OSBPL3: variants seen among roughly 807,000 people sequenced by gnomAD.
The protein encoded by OSBPL3 is oxysterol binding protein like 3, also known as oxysterol-binding protein-related protein 3.
A neutral mutation model predicts 120.1 loss-of-function variants in OSBPL3; 65 were observed. The observed-to-expected ratio is 0.54, with a 90% confidence interval of 0.44 to 0.67. OSBPL3 has a LOEUF of 0.67. Ranked by LOEUF, OSBPL3 falls within the 30% of genes least tolerant of loss-of-function variation. The pLI is 0.00. For missense variants in OSBPL3, 1,004 were observed against 1,082.1 expected (o/e 0.93, Z 1.01); for synonymous variants, 416 against 402.6 (o/e 1.03, Z -0.40).
rs1808958222 is a variant in OSBPL3, at chr7:24,912,433, C to T, written c.-149-19812G>A. Among the ~76,000 whole-genome samples, 1 of 152,188 alleles carries T rather than the reference C, an allele frequency of 6.6e-6. No individual in the cohort carries two copies. ...ATTCCCCTATGTTGCAGATTCACTG[C>T]AGACATCCATTGATTTAGGGAGTTT... On this transcript the variant is annotated intron_variant, in intron 1 of 22. Transcript: ENST00000313367. The surrounding 1 kb of genome is among the most constrained non-coding windows in gnomAD (Gnocchi z 4.5).
Position 24,877,864 on chromosome 7 carries a change from C to A in OSBPL3, c.97-5795G>T, listed in dbSNP as rs1022792359. The stretch of plus-strand genomic sequence containing the variant: ...GGCCCTTGGGGAAATCAAGGCCCTG[C>A]TGACTTAGCCCAACACGGCTGCACT... On this transcript the variant is annotated intron_variant, in intron 2 of 22. Coordinates refer to ENST00000313367, the MANE Select transcript of OSBPL3 (RefSeq NM_015550.4). The surrounding 1 kb of genome is among the most constrained non-coding windows in gnomAD (Gnocchi z 4.8). Among the ~76,000 whole-genome samples the A allele has an allele frequency of 5.3e-5, 8 of 152,248 alleles. No homozygotes were observed. Among genetic ancestry groups the A allele is most frequent in the Admixed American group, 3.9e-4 (6 of 15,300 alleles).
intron 1 of OSBPL3, among the ~76,000 whole-genome samples, chr7:24,926,338 T>C (rs1811044257): frequency 6.6e-6 from 1 of 152,174 alleles, no homozygotes; most frequent in Admixed American, 6.5e-5. Context: ...CCATGGACAA[T>C]GTAAAGAAAA....
chr7:24,805,038 G>A lies in OSBPL3; in HGVS notation c.2445-601C>T, dbSNP rs566765718. Among the ~76,000 whole-genome samples the A allele has an allele frequency of 3.9e-5, 6 of 152,242 alleles. No individual in the cohort carries two copies. In the South Asian group the frequency reaches 8.3e-4, roughly 21 times the overall value. On this transcript the variant is annotated intron_variant, in intron 21 of 22. Coordinates refer to ENST00000313367, the MANE Select transcript of OSBPL3 (RefSeq NM_015550.4). The surrounding 1 kb of genome is among the most constrained non-coding windows in gnomAD (Gnocchi z 4.0). ...TGAATCATTTTAATGTGACAATGCC[G>A]CAATAAATGACCTTGTATATCCATC...
intron 1 of OSBPL3, among the ~76,000 whole-genome samples, chr7:24,970,449 T>C (rs1481954259): frequency 6.6e-6 from 1 of 152,162 alleles, no homozygotes; most frequent in African/African-American, 2.4e-5. Context: ...CCCTTCAAGA[T>C]GTGTCTCAAA....
chr7:24,897,649 G>A (rs927095592), intron 1 of OSBPL3, among the ~76,000 whole-genome samples: 5 of 152,328 alleles, frequency 3.3e-5, no homozygotes, highest in African/African-American at 1.2e-4. Flanking sequence ...TAAAACATGT[G>A]TGTCCTTCAA....
In OSBPL3 at chr7:24,834,783, A is replaced by C; in HGVS notation, c.1496-47T>G. On this transcript the variant is annotated intron_variant, in intron 14 of 22. Coordinates refer to ENST00000313367, the MANE Select transcript of OSBPL3 (RefSeq NM_015550.4). This position sits in a 1 kb window ranked among gnomAD's most constrained non-coding sequence, Gnocchi z 5.2. ...TTGTCTCTATAAAGCTTTTCATTTT[A>C]TTCTATTATTTTTAATCCACGAATA... The C allele has an allele frequency of 6.8e-7, 1 of 1,476,660 alleles. No homozygotes were observed. Among genetic ancestry groups the C allele is most frequent in the Non-Finnish European group, 9.0e-7 (1 of 1,105,778 alleles). 91.5% of individuals were successfully genotyped at this position (1,476,660 alleles called of 1,614,324 possible). A position where few individuals can be genotyped will look rare whatever the true frequency, so the allele number is the denominator to read the frequency against.
chr7:24,800,426 A>G, intron 22 of OSBPL3, 147 bp from the exon 23 acceptor site: 1 of 498,958 alleles, frequency 2.0e-6, no homozygotes, highest in Non-Finnish European at 3.6e-6. Context: ...AATTCTGGGA[A>G]TTAGATGTCC....
At chr7:24,850,530 C>G (rs17150299) in intron 11 of OSBPL3, among the ~76,000 whole-genome samples, 6,095 of 152,318 alleles carry the variant, frequency 0.04, 239 homozygotes, top group East Asian at 0.13. Context: ...GCCTAATCCT[C>G]TACCTGGATC....
intron 1 of OSBPL3, among the ~76,000 whole-genome samples, chr7:24,974,251 G>C (rs1333017029): frequency 6.6e-6 from 1 of 152,126 alleles, no homozygotes; most frequent in Non-Finnish European, 1.5e-5. Context: ...TGTTTCCTCT[G>C]TACTCCCTCC....
chr7:24,885,329 C>A (rs1005335655), intron 2 of OSBPL3, among the ~76,000 whole-genome samples: 1 of 152,088 alleles, frequency 6.6e-6, no homozygotes, highest in Admixed American at 6.5e-5. Flanking sequence ...TTCACTTTTC[C>A]CTCCTTGGCA....
At chr7:24,865,565 A>G (rs1293706414) in intron 6 of OSBPL3, 100 bp from the exon 7 acceptor site, 1 of 1,124,828 alleles carries the variant, frequency 8.9e-7, no homozygotes, top group African/African-American at 1.5e-5. Flanking sequence ...ACTAATGGAC[A>G]CCATCTGCCT....
In OSBPL3 at chr7:24,899,354, G is replaced by C. The variant is rs893118852; in HGVS notation, c.-149-6733C>G. On this transcript the variant is annotated intron_variant, in intron 1 of 22. Coordinates refer to ENST00000313367, the MANE Select transcript of OSBPL3 (RefSeq NM_015550.4). The surrounding 1 kb of genome is among the most constrained non-coding windows in gnomAD (Gnocchi z 4.0). ...AACTTGCATCTCTTTCCAGTTCTCA[G>C]TGTTCTTACTGGGACTGTCAGGTCA... 6.6e-6 allele frequency among the ~76,000 whole-genome samples: 1 copy of C among 152,166 alleles called. No homozygotes were observed. The highest frequency in any genetic ancestry group is 1.5e-5 in the Non-Finnish European group (1 of 68,040).
chr7:24,980,811 A>C (rs867615638), upstream of OSBPL3, among the ~76,000 whole-genome samples: 1 of 151,930 alleles, frequency 6.6e-6, no homozygotes, highest in Non-Finnish European at 1.5e-5. Context: ...TGTTCTGTGC[A>C]GTTTATGTGC....
intron 1 of OSBPL3, among the ~76,000 whole-genome samples, chr7:24,893,346 A>C (rs978767570): frequency 5.9e-5 from 9 of 152,260 alleles, no homozygotes; most frequent in Admixed American, 5.9e-4. Context: ...CCTTGACAAC[A>C]TTAGGCTAAG....
intron 12 of OSBPL3, among the ~76,000 whole-genome samples, chr7:24,848,825 A>T (rs1201734604): frequency 1.3e-5 from 2 of 148,924 alleles, no homozygotes; most frequent in Non-Finnish European, 3.0e-5. Context: ...ACAGAAATAT[A>T]AAAAAAAAAG....
intron 1 of OSBPL3, among the ~76,000 whole-genome samples, chr7:24,942,888 T>A (rs1351719427): frequency 6.6e-6 from 1 of 152,176 alleles, no homozygotes; most frequent in African/African-American, 2.4e-5. Flanking sequence ...GCCCAAAACC[T>A]GTCACTGTAC....
chr7:24,865,948 G>T, intron 6 of OSBPL3, 122 bp downstream of exon 6: 1 of 729,370 alleles, frequency 1.4e-6, no homozygotes, highest in Non-Finnish European at 2.3e-6. Flanking sequence ...TTAAATACCA[G>T]CCCAAGCCTA....
In OSBPL3 at chr7:24,898,007, A is replaced by T. The variant is rs570304316; in HGVS notation, c.-149-5386T>A. 6.6e-6 allele frequency among the ~76,000 whole-genome samples: 1 copy of T among 152,316 alleles called. No individual in the cohort carries two copies. Among genetic ancestry groups the T allele is most frequent in the African/African-American group, 2.4e-5 (1 of 41,568 alleles). The stretch of plus-strand genomic sequence containing the variant: ...AATTTCCCAGTAAAATATATAAAGA[A>T]ATTATGTCCTGAATTAACGTTAGAA... On this transcript the variant is annotated intron_variant, in intron 1 of 22. Transcript: ENST00000313367. This position sits in a 1 kb window ranked among gnomAD's most constrained non-coding sequence, Gnocchi z 4.3.
chr7:24,945,500 T>C (rs1332926328), intron 1 of OSBPL3, among the ~76,000 whole-genome samples: 13 of 152,258 alleles, frequency 8.5e-5, no homozygotes, highest in African/African-American at 3.1e-4. Flanking sequence ...AGACACAAAG[T>C]AAGCACTCAC....
Sources: allele counts gnomAD v4.1 joint callset (sites outside exome capture counted in the v4.1 genomes callset), GRCh38; gene constraint gnomAD v4.1.1; non-coding constraint Gnocchi (gnomAD v3.1); transcripts MANE v1.5; gene names NCBI Gene and HGNC (gene_info 2026-07-23, HGNC 2026-07-21).